Variants in HOXD12 observed in about 807,000 individuals in gnomAD.
HOXD12 encodes homeobox protein Hox-D12.
A neutral mutation model predicts 20.2 loss-of-function variants in HOXD12; 21 were observed. That is an observed-to-expected ratio of 1.04 (90% CI 0.74 to 1.50). The LOEUF is 1.50. HOXD12 is among the 40% of genes most tolerant of loss of function. The pLI is 0.00. For missense variants in HOXD12, 472 were observed against 365.5 expected, an observed-to-expected ratio of 1.29 and a Z score of -2.38; for synonymous variants, 196 against 168.8, an observed-to-expected ratio of 1.16 and a Z score of -1.25.
chr2:176,100,961 G>A lies in HOXD12; in HGVS notation c.*201G>A. ...CCTGAGAAGCCCGTGAGAAACGTGC[G>A]GAAGTACCAGTGCAACTCTGGCTGG... On this transcript the variant is annotated 3_prime_UTR_variant, in exon 2 of 2. Transcript: ENST00000406506. 1 of 601,266 alleles carries A rather than the reference G, an allele frequency of 1.7e-6. No homozygotes were observed. The highest frequency in any genetic ancestry group is 3.0e-5 in the Admixed American group (1 of 33,842). 37.2% of individuals were successfully genotyped at this position (601,266 alleles called of 1,614,324 possible). A position where few individuals can be genotyped will look rare whatever the true frequency, so the allele number is the denominator to read the frequency against.
rs1173671821 is a variant in HOXD12, at chr2:176,101,525, C to T, written c.*765C>T. Among the ~76,000 whole-genome samples, 1 of 152,202 alleles carries T rather than the reference C, an allele frequency of 6.6e-6. No individual in the cohort carries two copies. Among genetic ancestry groups the T allele is most frequent in the East Asian group, 1.9e-4 (1 of 5,186 alleles). ...TGGGACTCCAGACAAGTGCCATCTC[C>T]AGACAAGACTGGCAAACATTGCCCT... is the stretch of plus-strand genomic sequence containing the variant. On this transcript the variant is annotated 3_prime_UTR_variant, in exon 2 of 2. Coordinates refer to ENST00000406506, the MANE Select transcript of HOXD12 (RefSeq NM_021193.4).
Position 176,100,818 on chromosome 2 carries a change from G to C in HOXD12, c.*58G>C. 1 of 1,178,270 alleles carries C rather than the reference G, an allele frequency of 8.5e-7. No homozygotes were observed. Among genetic ancestry groups the C allele is most frequent in the Middle Eastern group, 2.1e-4 (1 of 4,686 alleles). 73.0% of individuals were successfully genotyped at this position (1,178,270 alleles called of 1,614,324 possible). On this transcript the variant is annotated 3_prime_UTR_variant, in exon 2 of 2. Coordinates refer to ENST00000406506, the MANE Select transcript of HOXD12 (RefSeq NM_021193.4). ...CCCTTTTGGACAGAGGCCTTGTTTG[G>C]GGAGGGGGATCTGGGGCTAAGGCTA... is the stretch of plus-strand genomic sequence containing the variant.
In HOXD12 at chr2:176,102,118, C is replaced by A. The variant is rs143093846; in HGVS notation, c.*1358C>A. Among the ~76,000 whole-genome samples, 3 of 152,122 alleles carry A rather than the reference C, an allele frequency of 2.0e-5. No individual in the cohort carries two copies. Among genetic ancestry groups the A allele is most frequent in the Admixed American group, 6.5e-5 (1 of 15,288 alleles). On this transcript the variant is annotated 3_prime_UTR_variant, in exon 2 of 2. Coordinates refer to ENST00000406506, the MANE Select transcript of HOXD12 (RefSeq NM_021193.4). ...GTGTCCCGCCTTAATCTCAGTGAAC[C>A]AAGCCTCCCCCTGCGAGCTCATTCC...
rs1337080343 is a variant in HOXD12, at chr2:176,099,992, C to A, written c.191C>A (p.Ala64Glu). The A allele has an allele frequency of 1.3e-6, 2 of 1,564,102 alleles. No individual in the cohort carries two copies. The highest frequency in any genetic ancestry group is 1.9e-5 in the Admixed American group (1 of 52,676). ...TPASCAPAQPAGATAFGGFSQ... is the reference protein window; with the variant it reads ...TPASCAPAQPEGATAFGGFSQ... Reference sequence around the variant, plus strand: ...GCCTCCTGCGCCCCCGCGCAGCCTGCGGGCGCCACTGCCTTCGGCGGCTTC... The same window carrying A: ...GCCTCCTGCGCCCCCGCGCAGCCTGAGGGCGCCACTGCCTTCGGCGGCTTC... The change falls in exon 1 of 2, where the codon GCG becomes GAG. Residue 64 changes from alanine to glutamate, a missense_variant. Physicochemically the swap from Ala to Glu is moderately radical, Grantham distance 107. Coordinates refer to ENST00000406506, the MANE Select transcript of HOXD12 (RefSeq NM_021193.4).
rs1689506513 is a variant in HOXD12 at position 176,102,091 on chromosome 2, G to C, written c.*1331G>C. Among the ~76,000 whole-genome samples the C allele has an allele frequency of 6.6e-6, 1 of 152,206 alleles. No individual in the cohort carries two copies. The highest frequency in any genetic ancestry group is 2.4e-5 in the African/African-American group (1 of 41,438). On this transcript the variant is annotated 3_prime_UTR_variant, in exon 2 of 2. Transcript: ENST00000406506. Reference sequence around the variant, plus strand: ...AGGTGGAGTTGTTCTGGGTGTACTGGAGTGTCCCGCCTTAATCTCAGTGAA... The same window carrying C: ...AGGTGGAGTTGTTCTGGGTGTACTGCAGTGTCCCGCCTTAATCTCAGTGAA...
Position 176,100,817 on chromosome 2 carries a change from G to T in HOXD12, c.*57G>T. 8.5e-7 allele frequency: 1 copy of T among 1,177,102 alleles called. No individual in the cohort carries two copies. Among genetic ancestry groups the T allele is most frequent in the East Asian group, 2.4e-5 (1 of 40,866 alleles). The allele number at this position is 1,177,102 out of a possible 1,614,324, so 72.9% of individuals were successfully genotyped here. ...GCCCTTTTGGACAGAGGCCTTGTTT[G>T]GGGAGGGGGATCTGGGGCTAAGGCT... On this transcript the variant is annotated 3_prime_UTR_variant, in exon 2 of 2. Transcript: ENST00000406506.
rs1219648787 is a variant in HOXD12, at chr2:176,101,972, C to G, written c.*1212C>G. On this transcript the variant is annotated 3_prime_UTR_variant, in exon 2 of 2. Coordinates refer to ENST00000406506, the MANE Select transcript of HOXD12 (RefSeq NM_021193.4). ...TCTACCAGAGGCCCAGCTACTGTGC[C>G]CCTTCTGAGGCATGTCTGGCCTGTC... 6.6e-6 allele frequency among the ~76,000 whole-genome samples: 1 copy of G among 152,244 alleles called. No individual in the cohort carries two copies. The highest frequency in any genetic ancestry group is 1.5e-5 in the Non-Finnish European group (1 of 68,048).
Position 176,102,068 on chromosome 2 carries a change from G to A in HOXD12, c.*1308G>A, listed in dbSNP as rs1210746829. Among the ~76,000 whole-genome samples, 1 of 152,234 alleles carries A rather than the reference G, an allele frequency of 6.6e-6. No individual in the cohort carries two copies. The highest frequency in any genetic ancestry group is 2.4e-5 in the African/African-American group (1 of 41,464). ...GGAGGCAGGGGTTCCCAAATGCCAG[G>A]TGGAGTTGTTCTGGGTGTACTGGAG... On this transcript the variant is annotated 3_prime_UTR_variant, in exon 2 of 2. Transcript: ENST00000406506.
In HOXD12 at chr2:176,099,846, T is replaced by C; in HGVS notation, c.45T>C (p.Leu15=). 1 of 1,558,352 alleles carries C rather than the reference T, an allele frequency of 6.4e-7. No individual in the cohort carries two copies. Among genetic ancestry groups the C allele is most frequent in the Non-Finnish European group, 8.6e-7 (1 of 1,159,016 alleles). Reference sequence around the variant, plus strand: ...ACAGAGCGGGCTATGTGGGCTCGCTTCTGAATCTGCAGTCGCCAGACTCTT... The same window carrying C: ...ACAGAGCGGGCTATGTGGGCTCGCTCCTGAATCTGCAGTCGCCAGACTCTT... ...SLYRAGYVGS[L]LNLQSPDSFY... The change falls in exon 1 of 2, where the codon CTT becomes CTC. Residue 15 remains leucine (L), a synonymous_variant. Transcript: ENST00000406506.
Position 176,100,623 on chromosome 2 carries a change from T to G in HOXD12, c.676T>G (p.Phe226Val), listed in dbSNP as rs370963153. The G allele has an allele frequency of 1.2e-6, 2 of 1,613,554 alleles. No individual in the cohort carries two copies. The highest frequency in any genetic ancestry group is 2.7e-5 in the African/African-American group (2 of 74,948). ...GGAGAACGAATTCCTCGTCAACGAA[T>G]TCATCAACAGGCAGAAACGCAAGGA... ...ELENEFLVNE[F>V]INRQKRKELS... Residue 226 changes from phenylalanine (F) to valine (V), a missense_variant, in exon 2 of 2, where the codon TTC (phenylalanine) becomes GTC (valine). Coordinates refer to ENST00000406506, the MANE Select transcript of HOXD12 (RefSeq NM_021193.4).
rs930489865 is a variant in HOXD12, at chr2:176,101,693, A to G, written c.*933A>G. Reference sequence around the variant, plus strand: ...GAGGGAAAAATATCCAGGGGAGGAGAAGGGAGTGAATAAGAGGAGGAGGGG... The same window carrying G: ...GAGGGAAAAATATCCAGGGGAGGAGGAGGGAGTGAATAAGAGGAGGAGGGG... On this transcript the variant is annotated 3_prime_UTR_variant, in exon 2 of 2. Coordinates refer to ENST00000406506, the MANE Select transcript of HOXD12 (RefSeq NM_021193.4). Among the ~76,000 whole-genome samples the G allele has an allele frequency of 6.6e-5, 10 of 152,080 alleles. No homozygotes were observed. The highest frequency in any genetic ancestry group is 1.3e-4 in the Non-Finnish European group (9 of 68,010).
At position 176,100,203 on chromosome 2, in the gene HOXD12, G is replaced by T. The variant is rs1310913499; in HGVS notation, c.402G>T (p.Ala134=). The part of the protein sequence containing the change: ...SLAPAVAALK[A]AKYDYAGVGR... ...CTCCTGCAGTGGCTGCTCTCAAAGC[G>T]GCCAAGTATGACTACGCTGGTGTGG... The change falls in exon 1 of 2, where the codon GCG becomes GCT. Residue 134 remains alanine, a synonymous_variant. Coordinates refer to ENST00000406506, the MANE Select transcript of HOXD12 (RefSeq NM_021193.4). 2 of 1,612,230 alleles carry T rather than the reference G, an allele frequency of 1.2e-6. No homozygotes were observed. The highest frequency in any genetic ancestry group is 3.3e-5 in the Admixed American group (2 of 59,998).
rs769806708 is a variant in HOXD12 at position 176,099,911 on chromosome 2, C to A, written c.110C>A (p.Ala37Asp). The change falls in exon 1 of 2, where the codon GCC becomes GAC. Residue 37 changes from alanine to aspartate, a missense_variant. By Grantham distance (126) the Ala-to-Asp change is moderately radical. Transcript: ENST00000406506. Reference sequence around the variant, plus strand: ...CTGAGGCCGAATGGCGGCCAGTTGGCCGCGCTTCCCCCTATCTCCTACCCG... The same window carrying A: ...CTGAGGCCGAATGGCGGCCAGTTGGACGCGCTTCCCCCTATCTCCTACCCG... ...SNLRPNGGQL[A>D]ALPPISYPRG... 145 of 1,594,266 alleles carry A rather than the reference C, an allele frequency of 9.1e-5. No homozygotes were observed. The highest frequency in any genetic ancestry group is 1.7e-4 in the Middle Eastern group (1 of 5,984).
Position 176,100,507 on chromosome 2 carries a change from G to A in HOXD12, c.575-15G>A. The stretch of plus-strand genomic sequence containing the variant: ...AGTACGGGCTGGGTTGACGTGGGTT[G>A]GGGCTGTGTTGCAGGCCTGCCGTGG... On this transcript the variant is annotated splice_polypyrimidine_tract_variant and intron_variant, in intron 1 of 1. Coordinates refer to ENST00000406506, the MANE Select transcript of HOXD12 (RefSeq NM_021193.4). 6.3e-7 allele frequency: 1 copy of A among 1,594,528 alleles called. No homozygotes were observed. Among genetic ancestry groups the A allele is most frequent in the African/African-American group, 1.3e-5 (1 of 74,770 alleles).
chr2:176,101,504 A>G lies in HOXD12; in HGVS notation c.*744A>G, dbSNP rs970956155. Reference sequence around the variant, plus strand: ...CTGAGATGGGATGAGAGAGACTGGGACTCCAGACAAGTGCCATCTCCAGAC... The same window carrying G: ...CTGAGATGGGATGAGAGAGACTGGGGCTCCAGACAAGTGCCATCTCCAGAC... On this transcript the variant is annotated 3_prime_UTR_variant, in exon 2 of 2. Transcript: ENST00000406506. Among the ~76,000 whole-genome samples the G allele has an allele frequency of 2.0e-5, 3 of 151,976 alleles. No individual in the cohort carries two copies. The highest frequency in any genetic ancestry group is 7.3e-5 in the African/African-American group (3 of 41,376).
chr2:176,100,719 A>G lies in HOXD12; in HGVS notation c.772A>G (p.Lys258Glu). Residue 258 changes from lysine to glutamate, a missense_variant, in exon 2 of 2, where the codon AAG becomes GAG. Coordinates refer to ENST00000406506, the MANE Select transcript of HOXD12 (RefSeq NM_021193.4). Reference sequence around the variant, plus strand: ...GTTCCAGAACAGGCGTATGAAGAAGAAGCGCGTGGTGCTTCGGGAGCAGGC... The same window carrying G: ...GTTCCAGAACAGGCGTATGAAGAAGGAGCGCGTGGTGCTTCGGGAGCAGGC... ...IWFQNRRMKK[K>E]RVVLREQALA... 6.2e-7 allele frequency: 1 copy of G among 1,613,956 alleles called. No homozygotes were observed.
Position 176,099,984 on chromosome 2 carries a change from G to C in HOXD12, c.183G>C (p.Ala61=). 1 of 1,572,750 alleles carries C rather than the reference G, an allele frequency of 6.4e-7. No homozygotes were observed. The highest frequency in any genetic ancestry group is 8.6e-7 in the Non-Finnish European group (1 of 1,159,030). Residue 61 remains alanine, a synonymous_variant, in exon 1 of 2, where the codon GCG becomes GCC. Transcript: ENST00000406506. The part of the protein sequence containing the change: ...WAATPASCAP[A]QPAGATAFGG... ...CCACGCCCGCCTCCTGCGCCCCCGCGCAGCCTGCGGGCGCCACTGCCTTCG... is the reference window on the plus strand; with the variant it reads ...CCACGCCCGCCTCCTGCGCCCCCGCCCAGCCTGCGGGCGCCACTGCCTTCG...
chr2:176,100,467 G>A, intron 1 of HOXD12, 55 bp from the exon 2 acceptor site: 2 of 1,588,036 alleles, frequency 1.3e-6, no homozygotes, highest in Non-Finnish European at 8.6e-7. Context: ...CCGCCTGGGG[G>A]CGGGCAATAG....
rs991054236 is a variant in HOXD12 at position 176,101,218 on chromosome 2, C to T, written c.*458C>T. 1 of 179,972 alleles carries T rather than the reference C, an allele frequency of 5.6e-6. No homozygotes were observed. Among genetic ancestry groups the T allele is most frequent in the Non-Finnish European group, 1.2e-5 (1 of 85,194 alleles). The allele number at this position is 179,972 out of a possible 1,614,324, so 11.1% of individuals were successfully genotyped here. On this transcript the variant is annotated 3_prime_UTR_variant, in exon 2 of 2. Transcript: ENST00000406506. The stretch of plus-strand genomic sequence containing the variant: ...GAAAGGACTGTGGGTACAATTAGGT[C>T]TCTGCAGCAGAAGCCCTTTGTGGCA...
Sources: gnomAD v4.1 joint callset for allele counts (sites outside exome capture counted in the v4.1 genomes callset) on GRCh38, gnomAD v4.1.1 for gene constraint, MANE v1.5 for transcripts, NCBI Gene and HGNC (gene_info 2026-07-23, HGNC 2026-07-21) for gene names.